Variants in CRB1 observed in about 807,000 individuals in gnomAD.
CRB1 encodes crumbs cell polarity complex component 1, also known as protein crumbs homolog 1.
CRB1 carries 83 observed loss-of-function variants against 120.0 expected under a neutral mutation model. That is an observed-to-expected ratio of 0.69 (90% CI 0.58 to 0.83). The LOEUF (loss-of-function observed/expected upper bound fraction) is 0.83. Ranked by LOEUF, CRB1 falls within the 40% of genes least tolerant of loss-of-function variation. CRB1 has a pLI of 0.00. For synonymous variants in CRB1, 625 were observed against 612.5 expected, an observed-to-expected ratio of 1.02 and a Z score of -0.30; for missense variants, 1,699 against 1,687.6, an observed-to-expected ratio of 1.01 and a Z score of -0.12.
rs138046518 is a variant in CRB1 at position 197,386,726 on chromosome 1, T to C, written c.1171+29713T>C. 2.1e-3 allele frequency among the ~76,000 whole-genome samples: 316 copies of C among 152,262 alleles called. 1 individual carries two copies. Among genetic ancestry groups the C allele is most frequent in the Non-Finnish European group, 2.5e-3 (173 of 68,004 alleles). ...TATACAATCTAAGAAGGGGAGAATA[T>C]ACATGGGGGAAAATAAGTCATCTCT... is the stretch of plus-strand genomic sequence containing the variant. On this transcript the variant is annotated intron_variant, in intron 5 of 11. Coordinates refer to ENST00000367400, the MANE Select transcript of CRB1 (RefSeq NM_201253.3).
chr1:197,435,311 CA>C lies in CRB1; in HGVS notation c.3449del (p.His1150LeufsTer60). On this transcript the variant is annotated frameshift_variant, in exon 9 of 12. Coordinates refer to ENST00000367400, the MANE Select transcript of CRB1 (RefSeq NM_201253.3). LOFTEE classifies it high-confidence loss of function. The stretch of plus-strand genomic sequence containing the variant: ...TGTCTGCAACTCCAACCCCTGTTTG[CA>C]TGGAGGAAACTGTGAAGACATCTAT... ...LNVCNSNPCL[H>X]GGNCEDIYSS... The C allele has an allele frequency of 1.2e-6, 2 of 1,613,778 alleles. No individual in the cohort carries two copies. Among genetic ancestry groups the C allele is most frequent in the Non-Finnish European group, 1.7e-6 (2 of 1,179,820 alleles).
At chr1:197,336,817 C>G (rs1659182923) in intron 2 of CRB1, among the ~76,000 whole-genome samples, 1 of 151,890 alleles carries the variant, frequency 6.6e-6, no homozygotes, top group Non-Finnish European at 1.5e-5. Flanking sequence ...TGTGGAAGAA[C>G]AAAGAAAGAA....
chr1:197,390,468 T>C (rs1662442181), intron 5 of CRB1, among the ~76,000 whole-genome samples: 2 of 151,996 alleles, frequency 1.3e-5, no homozygotes, highest in African/African-American at 2.4e-5. Flanking sequence ...CCCAACATTC[T>C]CCTGGGCAGT....
intron 5 of CRB1, chr1:197,364,125 C>A: frequency 1.2e-6 from 1 of 828,328 alleles, no homozygotes; most frequent in Non-Finnish European, 1.9e-6. Context: ...GTGGATGGGA[C>A]ACCCAGTATG....
chr1:197,430,427 C>G (rs1245159995), intron 8 of CRB1, among the ~76,000 whole-genome samples: 2 of 152,156 alleles, frequency 1.3e-5, no homozygotes, highest in Non-Finnish European at 2.9e-5. Flanking sequence ...TCTTTTGACA[C>G]TTCCTCACTC....
At chr1:197,388,442 C>T (rs563623527) in intron 5 of CRB1, among the ~76,000 whole-genome samples, 31 of 152,164 alleles carry the variant, frequency 2.0e-4, no homozygotes, top group African/African-American at 6.5e-4. Flanking sequence ...TGTCAAAAAT[C>T]TCATGTTTTT....
chr1:197,450,957 C>CAAAAAAAAAAAA, intron 11 of CRB1, among the ~76,000 whole-genome samples: 1 of 56,632 alleles, frequency 1.8e-5, no homozygotes, highest in Non-Finnish European at 3.0e-5. Context: ...GACTCCGTCC[C>CAAAAAAAAAAAA]AAAAAAAAAA....
At position 197,328,448 on chromosome 1, in the gene CRB1, A is replaced by C. The variant is rs1452416023; in HGVS notation, c.97A>C (p.Arg33=). The change falls in exon 2 of 12, where the codon AGG becomes CGG. Residue 33 remains arginine (R), a synonymous_variant. Coordinates refer to ENST00000367400, the MANE Select transcript of CRB1 (RefSeq NM_201253.3). ...KNSFCNKNNT[R]CLSNSCQNNS... is the part of the protein sequence containing the mutation. ...TTCCTTTTGCAATAAAAACAACACC[A>C]GGTGCCTCTCAAATTCTTGCCAAAA... 1 of 1,613,944 alleles carries C rather than the reference A, an allele frequency of 6.2e-7. No individual in the cohort carries two copies. Among genetic ancestry groups the C allele is most frequent in the Non-Finnish European group, 8.5e-7 (1 of 1,179,784 alleles).
rs145525029 is a variant in CRB1 at position 197,328,616 on chromosome 1, C to T, written c.265C>T (p.Pro89Ser). The change falls in exon 2 of 12, where the codon CCA becomes TCA. Residue 89 changes from proline to serine, a missense_variant. By Grantham distance (74) the Pro-to-Ser change is moderately conservative. Coordinates refer to ENST00000367400, the MANE Select transcript of CRB1 (RefSeq NM_201253.3). ...CQGSATCVNT[P>S]GERSFLCKCP... ...AGGAAGTGCCACTTGTGTGAACACC[C>T]CAGGAGAAAGGAGCTTTCTGTGCAA... is the stretch of plus-strand genomic sequence containing the variant. The T allele has an allele frequency of 1.5e-5, 24 of 1,614,058 alleles. No individual in the cohort carries two copies. Among genetic ancestry groups the T allele is most frequent in the Non-Finnish European group, 1.8e-5 (21 of 1,180,032 alleles).
At chr1:197,290,574 C>A (rs895421379) in intron 1 of CRB1, among the ~76,000 whole-genome samples, 1 of 151,632 alleles carries the variant, frequency 6.6e-6, no homozygotes, top group African/African-American at 2.4e-5. Context: ...CTTCTCTCCC[C>A]TCTATCAGCC....
chr1:197,244,973 G>T, the CRB1 span, among the ~76,000 whole-genome samples: 1 of 151,604 alleles, frequency 6.6e-6, no homozygotes, highest in Non-Finnish European at 1.5e-5. Context: ...ATCTGTTGAG[G>T]TTTGTTTGTC....
chr1:197,227,752 C>G, the CRB1 span, among the ~76,000 whole-genome samples: 5 of 152,110 alleles, frequency 3.3e-5, no homozygotes, highest in African/African-American at 9.7e-5. Context: ...AGTAGGGACT[C>G]TGTGTGGGGG....
chr1:197,303,739 A>G (rs752044529), intron 1 of CRB1, among the ~76,000 whole-genome samples: 77 of 152,168 alleles, frequency 5.1e-4, no homozygotes, highest in Non-Finnish European at 9.1e-4. Context: ...TAGATTTCAC[A>G]TGTCTAGTTT....
Position 197,349,025 on chromosome 1 carries a change from C to T in CRB1, c.988+1546C>T, listed in dbSNP as rs184197081. 3.0e-3 allele frequency among the ~76,000 whole-genome samples: 451 copies of T among 152,312 alleles called. 2 individuals are homozygous for T. Among genetic ancestry groups the T allele is most frequent in the African/African-American group, 0.01 (433 of 41,564 alleles). On this transcript the variant is annotated intron_variant, in intron 4 of 11. Coordinates refer to ENST00000367400, the MANE Select transcript of CRB1 (RefSeq NM_201253.3). ...CATTCATTCATTACTCATTGACTCT[C>T]AAGAGCAACTTCCAGACCTCCAAGC...
chr1:197,412,383 T>A (rs1326273170), intron 5 of CRB1, among the ~76,000 whole-genome samples: 1 of 152,244 alleles, frequency 6.6e-6, no homozygotes, highest in Admixed American at 6.5e-5. Flanking sequence ...GGCTTTATTA[T>A]TTCTACTTTA....
chr1:197,342,345 A>G (rs943342854), intron 2 of CRB1, among the ~76,000 whole-genome samples: 3 of 152,038 alleles, frequency 2.0e-5, no homozygotes, highest in Admixed American at 6.5e-5. Context: ...CATCTCCCCA[A>G]CAATCATGGA....
At chr1:197,319,667 C>CT (rs1356586500) in intron 1 of CRB1, among the ~76,000 whole-genome samples, 7 of 151,076 alleles carry the variant, frequency 4.6e-5, no homozygotes, top group Non-Finnish European at 7.4e-5. Context: ...TTCTCTCTTT[C>CT]TTTTTTTTTC....
intron 11 of CRB1, among the ~76,000 whole-genome samples, chr1:197,459,457 T>C (rs1666426394): frequency 6.6e-6 from 1 of 152,122 alleles, no homozygotes; most frequent in Non-Finnish European, 1.5e-5. Context: ...AGATTTAGTG[T>C]CTGGTGAGGA....
chr1:197,328,405 T>A lies in CRB1; in HGVS notation c.71-17T>A, dbSNP rs757150006. On this transcript the variant is annotated splice_polypyrimidine_tract_variant and intron_variant, in intron 1 of 11. Transcript: ENST00000367400. Reference sequence around the variant, plus strand: ...TCATTTATAAATTTAATCTTGTTACTTTTTATTTCCTTGTAGATTCCTTTT... The same window carrying A: ...TCATTTATAAATTTAATCTTGTTACATTTTATTTCCTTGTAGATTCCTTTT... 1.6e-5 allele frequency: 26 copies of A among 1,590,002 alleles called. No individual in the cohort carries two copies. In the South Asian group the frequency reaches 2.5e-4, roughly 16 times the overall value.
Sources: gnomAD v4.1 joint callset for allele counts (sites outside exome capture counted in the v4.1 genomes callset) on GRCh38, gnomAD v4.1.1 for gene constraint, MANE v1.5 for transcripts, NCBI Gene and HGNC (gene_info 2026-07-23, HGNC 2026-07-21) for gene names.